Variants in ARHGAP17 observed in about 807,000 individuals in gnomAD.
The protein encoded by ARHGAP17 is Rho GTPase activating protein 17, also known as rho GTPase-activating protein 17.
Under a neutral mutation model 99.5 loss-of-function variants are expected in ARHGAP17, and 57 were observed. That is an observed-to-expected ratio of 0.57 (90% CI 0.46 to 0.71). The LOEUF (loss-of-function observed/expected upper bound fraction) is 0.71. Among genes scored for constraint, ARHGAP17 ranks in the 30% least tolerant of loss-of-function variants. ARHGAP17 has a pLI of 0.00. For missense variants in ARHGAP17, 1,000 were observed against 1,122.4 expected (o/e 0.89, Z 1.56); for synonymous variants, 417 against 429.6 (o/e 0.97, Z 0.36).
At chr16:24,989,156 G>C (rs1597462883) in intron 1 of ARHGAP17, among the ~76,000 whole-genome samples, 1 of 152,248 alleles carries the variant, frequency 6.6e-6, no homozygotes, top group Non-Finnish European at 1.5e-5. Context: ...CACAATGTCA[G>C]GGGCTCCCTC....
rs550514278 is a variant in ARHGAP17 at position 24,955,045 on chromosome 16, C to A, written c.725-315G>T. 1.6e-4 allele frequency: 42 copies of A among 257,302 alleles called. No individual in the cohort carries two copies. The highest frequency in any genetic ancestry group is 1.1e-3 in the Middle Eastern group (1 of 878). The allele number at this position is 257,302 out of a possible 1,614,324, so 15.9% of individuals were successfully genotyped here. A position where few individuals can be genotyped will look rare whatever the true frequency, so the allele number is the denominator to read the frequency against. On this transcript the variant is annotated intron_variant, in intron 9 of 19. Coordinates refer to ENST00000289968, the MANE Select transcript of ARHGAP17 (RefSeq NM_001006634.3). The surrounding 1 kb of genome is among the most constrained non-coding windows in gnomAD (Gnocchi z 4.0). ...AACACACGCCAGCGGGTTTAGTGGG[C>A]TGCCTTGAACCAAAAGGAAGATTTG...
intron 3 of ARHGAP17, 23 bp from the exon 4 acceptor site, chr16:24,970,603 T>G (rs1037892801): frequency 1.3e-6 from 2 of 1,598,768 alleles, no homozygotes; most frequent in Non-Finnish European, 1.7e-6. Flanking sequence ...AGACAGTGTG[T>G]GTTTTTCTCA....
chr16:24,982,990 ATATATATTTTTTTTT>A (rs1410008773), intron 1 of ARHGAP17, among the ~76,000 whole-genome samples: 28 of 32,446 alleles, frequency 8.6e-4, no homozygotes, highest in African/African-American at 3.3e-3. Context: ...ATATATATAT[ATATATATTTTTTTTT>A]TTTTTTTTTT....
chr16:24,942,236 C>A (rs1255803963), intron 15 of ARHGAP17, 93 bp from the exon 16 acceptor site: 2 of 1,277,206 alleles, frequency 1.6e-6, no homozygotes, highest in Admixed American at 4.6e-5. Context: ...GAACCTCGTT[C>A]TTCAGTCCAC....
chr16:25,003,053 A>AG (rs1306406334), intron 1 of ARHGAP17, among the ~76,000 whole-genome samples: 1 of 150,974 alleles, frequency 6.6e-6, no homozygotes, highest in East Asian at 1.9e-4. Context: ...AAAAAAAAAA[A>AG]AAAAAAAGAG....
At chr16:25,012,284 G>A (rs950213709) in intron 1 of ARHGAP17, among the ~76,000 whole-genome samples, 6 of 152,066 alleles carry the variant, frequency 3.9e-5, no homozygotes, top group Non-Finnish European at 7.4e-5. Context: ...CCCACCCATC[G>A]TAAACAAACT....
At chr16:25,009,303 G>A (rs1207809160) in intron 1 of ARHGAP17, among the ~76,000 whole-genome samples, 1 of 151,656 alleles carries the variant, frequency 6.6e-6, no homozygotes, top group Non-Finnish European at 1.5e-5. Context: ...GGAGGTGGAG[G>A]TTGCAGTGAG....
intron 12 of ARHGAP17, among the ~76,000 whole-genome samples, 196 bp downstream of exon 12, chr16:24,952,093 C>T (rs1299270733): frequency 4.6e-5 from 7 of 152,126 alleles, no homozygotes; most frequent in Non-Finnish European, 2.9e-5. Flanking sequence ...CCAATGCCTA[C>T]GTGGTGACTT....
intron 1 of ARHGAP17, among the ~76,000 whole-genome samples, chr16:24,979,691 T>C (rs917635565): frequency 1.3e-5 from 2 of 151,702 alleles, no homozygotes; most frequent in Admixed American, 6.6e-5. Context: ...TGTCAGACCA[T>C]AATAATTTTT....
intron 7 of ARHGAP17, among the ~76,000 whole-genome samples, chr16:24,963,334 A>G (rs953800582): frequency 8.5e-5 from 13 of 152,186 alleles, no homozygotes; most frequent in African/African-American, 2.7e-4. Context: ...ATTTCTACCC[A>G]CTATATTATT....
At position 24,942,094 on chromosome 16, in the gene ARHGAP17, A is replaced by C. The variant is rs2051328251; in HGVS notation, c.1383T>G (p.Ser461Arg). Reference sequence around the variant, plus strand: ...TTCCAGTGTGGAATGAGTGATTAGAACTCGGGGTGGTGAGAGGTACAAATG... The same window carrying C: ...TTCCAGTGTGGAATGAGTGATTAGACCTCGGGGTGGTGAGAGGTACAAATG... Reference protein sequence around the residue: ...SEAFVPLTTPSSNHSFHTGND... With the variant: ...SEAFVPLTTPRSNHSFHTGND... Residue 461 changes from serine (S) to arginine (R), a missense_variant, in exon 16 of 20, where the codon AGT becomes AGG. Around this residue, in one of 2 missense-constraint regions of ARHGAP17, gnomAD observed 472 missense variants for 611.1 expected, o/e 0.77. Coordinates refer to ENST00000289968, the MANE Select transcript of ARHGAP17 (RefSeq NM_001006634.3). 1 of 1,613,908 alleles carries C rather than the reference A, an allele frequency of 6.2e-7. No individual in the cohort carries two copies. The highest frequency in any genetic ancestry group is 1.3e-5 in the African/African-American group (1 of 74,868).
intron 1 of ARHGAP17, among the ~76,000 whole-genome samples, chr16:25,010,844 T>C (rs11863028): frequency 0.019 from 2,866 of 152,328 alleles, 101 homozygotes; most frequent in African/African-American, 0.066. Context: ...CACTGATTCA[T>C]TTTACTGGCC....
intron 16 of ARHGAP17, among the ~76,000 whole-genome samples, chr16:24,941,354 C>T (rs1355665605): frequency 1.3e-5 from 2 of 152,184 alleles, no homozygotes; most frequent in Non-Finnish European, 2.9e-5. Flanking sequence ...GACAGGTTGG[C>T]ATCCAAAGGC....
chr16:24,923,171 T>C (rs2050758317), intron 19 of ARHGAP17, among the ~76,000 whole-genome samples: 1 of 152,144 alleles, frequency 6.6e-6, no homozygotes, highest in Non-Finnish European at 1.5e-5. Flanking sequence ...CAAAGCCAGA[T>C]TGGTTGCACT....
At chr16:25,000,261 T>C (rs927043457) in intron 1 of ARHGAP17, among the ~76,000 whole-genome samples, 2 of 152,212 alleles carry the variant, frequency 1.3e-5, no homozygotes, top group African/African-American at 4.8e-5. Flanking sequence ...TCAAATCCCA[T>C]GACAGAACAC....
intron 9 of ARHGAP17, among the ~76,000 whole-genome samples, chr16:24,958,697 GAGA>G (rs529564147): frequency 2.2e-3 from 341 of 152,288 alleles, no homozygotes; most frequent in African/African-American, 7.8e-3. Context: ...AACTTAGGGG[GAGA>G]AGAAGTCGCA....
chr16:24,942,098 G>A lies in ARHGAP17; in HGVS notation c.1379C>T (p.Pro460Leu), dbSNP rs750238894. The A allele has an allele frequency of 5.8e-5, 93 of 1,611,714 alleles. No individual in the cohort carries two copies. The highest frequency in any genetic ancestry group is 1.2e-4 in the Admixed American group (7 of 59,942). ...AGTGTGGAATGAGTGATTAGAACTCGGGGTGGTGAGAGGTACAAATGCTTC... is the reference window on the plus strand; with the variant it reads ...AGTGTGGAATGAGTGATTAGAACTCAGGGTGGTGAGAGGTACAAATGCTTC... ...VSEAFVPLTT[P>L]SSNHSFHTGN... The change falls in exon 16 of 20, where the codon CCG becomes CTG. Residue 460 changes from proline to leucine, a missense_variant. By Grantham distance (98) the Pro-to-Leu change is moderately conservative. Transcript: ENST00000289968.
intron 1 of ARHGAP17, among the ~76,000 whole-genome samples, chr16:24,984,449 G>A (rs2052795853): frequency 6.6e-6 from 1 of 152,050 alleles, no homozygotes; most frequent in African/African-American, 2.4e-5. Flanking sequence ...GGCGGATCAC[G>A]AGGTCAGGAG....
chr16:24,927,808 A>AAAGAGTTT, intron 19 of ARHGAP17: 4 of 556,880 alleles, frequency 7.2e-6, no homozygotes, highest in Non-Finnish European at 8.0e-6. Context: ...GCAAGATGTA[A>AAAGAGTTT]ACTCTTTTAC....
Sources: gnomAD v4.1 joint callset for allele counts (sites outside exome capture counted in the v4.1 genomes callset) on GRCh38, gnomAD v4.1.1 for gene constraint, gnomAD v4.1.1 regional missense constraint, Gnocchi (gnomAD v3.1) non-coding constraint, MANE v1.5 for transcripts, NCBI Gene and HGNC (gene_info 2026-07-23, HGNC 2026-07-21) for gene names.